The following ERI3 variants were observed in gnomAD, a reference collection of about 807,000 sequenced individuals.
ERI3 encodes the protein ERI1 exoribonuclease family member 3, also known as ERI1 exoribonuclease 3.
A neutral mutation model predicts 44.4 loss-of-function variants in ERI3; 18 were observed. The ratio of observed to expected loss-of-function variants is 0.41; its 90% CI spans 0.28 to 0.60. The LOEUF (loss-of-function observed/expected upper bound fraction) is 0.60, where lower values mean the gene tolerates loss of function less well. ERI3 is among the 20% of genes least tolerant of loss of function. The pLI is 0.36. For synonymous variants in ERI3, 183 were observed against 164.8 expected, an observed-to-expected ratio of 1.11 and a Z score of -0.84; for missense variants, 294 against 435.5, an observed-to-expected ratio of 0.68 and a Z score of 2.89.
At chr1:44,275,712 C>T (rs1269703222) in intron 7 of ERI3, among the ~76,000 whole-genome samples, 1 of 152,186 alleles carries the variant, frequency 6.6e-6, no homozygotes, top group Admixed American at 6.5e-5. Context: ...CAGCAATCTT[C>T]ATACCCTGAT....
chr1:44,256,406 G>C (rs1382443045), intron 7 of ERI3, among the ~76,000 whole-genome samples: 3 of 152,180 alleles, frequency 2.0e-5, no homozygotes, highest in Non-Finnish European at 2.9e-5. Context: ...GGGTCCAGCA[G>C]AGGCTTGACC....
chr1:44,353,865 C>T (rs1053573182), intron 1 of ERI3: 12 of 985,264 alleles, frequency 1.2e-5, no homozygotes, highest in African/African-American at 1.7e-5. Context: ...TCAATCACTT[C>T]CCGGCAGCTC....
chr1:44,306,409 C>T (rs325147), intron 6 of ERI3, among the ~76,000 whole-genome samples: 150,962 of 152,350 alleles, frequency 0.99, 74,805 homozygotes, highest in Middle Eastern at 1. Flanking sequence ...TCAGAAGGTG[C>T]GGATGCGGTA....
intron 3 of ERI3, among the ~76,000 whole-genome samples, chr1:44,328,847 G>A (rs562736437): frequency 1.3e-5 from 2 of 152,208 alleles, no homozygotes; most frequent in East Asian, 1.9e-4. Flanking sequence ...TTAAGCACCC[G>A]AGTCAAGCCC....
In ERI3 at chr1:44,355,027, G is replaced by A. The variant is rs758123558; in HGVS notation, c.-1C>T. 7.2e-7 allele frequency: 1 copy of A among 1,386,030 alleles called. No individual in the cohort carries two copies. The highest frequency in any genetic ancestry group is 2.0e-5 in the South Asian group (1 of 51,120). 85.9% of individuals were successfully genotyped at this position (1,386,030 alleles called of 1,614,324 possible). On this transcript the variant is annotated 5_prime_UTR_variant, in exon 1 of 9. Coordinates refer to ENST00000372257, the MANE Select transcript of ERI3 (RefSeq NM_024066.3). The stretch of plus-strand genomic sequence containing the variant: ...CAGCAGCGGGAGAGGCTGTCGCCAT[G>A]GCAACGCCCCCTCCTCGGGGCCAGC...
At chr1:44,323,646 T>C (rs1238056660) in intron 3 of ERI3, among the ~76,000 whole-genome samples, 5 of 152,238 alleles carry the variant, frequency 3.3e-5, no homozygotes, top group Admixed American at 3.3e-4. Context: ...AATGCAATCG[T>C]TTTATTCCAT....
chr1:44,295,201 G>A (rs1362980998), intron 6 of ERI3, among the ~76,000 whole-genome samples: 2 of 152,178 alleles, frequency 1.3e-5, no homozygotes, highest in Non-Finnish European at 2.9e-5. Context: ...AAAGGAGGAA[G>A]AATGGGAGAG....
intron 8 of ERI3, among the ~76,000 whole-genome samples, chr1:44,239,201 G>T (rs1157647163): frequency 6.6e-6 from 1 of 152,154 alleles, no homozygotes; most frequent in Non-Finnish European, 1.5e-5. Context: ...AGGGCCCTGT[G>T]GCAGGGGACA....
chr1:44,269,381 AG>A (rs1393766509), intron 7 of ERI3, among the ~76,000 whole-genome samples: 2 of 152,172 alleles, frequency 1.3e-5, no homozygotes, highest in Non-Finnish European at 2.9e-5. Flanking sequence ...CTGCCCTCCA[AG>A]GACAAGGGCC....
intron 3 of ERI3, among the ~76,000 whole-genome samples, chr1:44,326,879 G>A (rs1045979259): frequency 1.3e-5 from 2 of 152,272 alleles, no homozygotes; most frequent in Admixed American, 6.5e-5. Flanking sequence ...GGTGCAAAGT[G>A]AATTATAATT....
intron 6 of ERI3, among the ~76,000 whole-genome samples, chr1:44,301,735 T>C (rs1166324246): frequency 1.3e-5 from 2 of 152,188 alleles, no homozygotes; most frequent in Admixed American, 6.5e-5. Flanking sequence ...CCCACTCCAA[T>C]GGCTGAGGAG....
intron 8 of ERI3, among the ~76,000 whole-genome samples, chr1:44,239,508 C>G (rs1222879034): frequency 6.6e-6 from 1 of 152,200 alleles, no homozygotes; most frequent in Non-Finnish European, 1.5e-5. Context: ...CCCCTAGAGC[C>G]CAGAGTCCAG....
intron 6 of ERI3, among the ~76,000 whole-genome samples, chr1:44,295,725 C>A (rs1645596373): frequency 6.6e-6 from 1 of 152,208 alleles, no homozygotes; most frequent in African/African-American, 2.4e-5. Context: ...TCATCTAAAT[C>A]AACTTTCAGG....
chr1:44,298,311 C>G (rs1193682626), intron 6 of ERI3, among the ~76,000 whole-genome samples: 1 of 152,092 alleles, frequency 6.6e-6, no homozygotes, highest in African/African-American at 2.4e-5. Flanking sequence ...AGAGGGAGGA[C>G]AGTGTGGGTT....
chr1:44,271,384 A>G (rs906693236), intron 7 of ERI3, among the ~76,000 whole-genome samples: 5 of 152,192 alleles, frequency 3.3e-5, no homozygotes, highest in African/African-American at 1.2e-4. Context: ...GAATATACTC[A>G]TCTTTCAACA....
chr1:44,353,689 T>C, intron 1 of ERI3: 1 of 985,444 alleles, frequency 1.0e-6, no homozygotes, highest in South Asian at 4.7e-5. Context: ...TTTGGAAATT[T>C]CAAGTTGGAA....
intron 7 of ERI3, among the ~76,000 whole-genome samples, chr1:44,249,768 G>A (rs1644636217): frequency 6.6e-6 from 1 of 152,200 alleles, no homozygotes; most frequent in Non-Finnish European, 1.5e-5. Context: ...CATAGCCAGA[G>A]GAGCCGCTGA....
intron 7 of ERI3, among the ~76,000 whole-genome samples, chr1:44,279,469 T>C (rs1259934921): frequency 6.6e-6 from 1 of 152,076 alleles, no homozygotes; most frequent in African/African-American, 2.4e-5. Context: ...CAAGTGATCC[T>C]CCCACCTCAG....
intron 7 of ERI3, among the ~76,000 whole-genome samples, chr1:44,258,655 G>T (rs1344273716): frequency 6.6e-6 from 1 of 152,152 alleles, no homozygotes; most frequent in Non-Finnish European, 1.5e-5. Flanking sequence ...AAGGAAATCA[G>T]CAAGAAGGAC....
Sources: gnomAD v4.1 joint callset for allele counts (sites outside exome capture counted in the v4.1 genomes callset) on GRCh38, gnomAD v4.1.1 for gene constraint, MANE v1.5 for transcripts, NCBI Gene and HGNC (gene_info 2026-07-23, HGNC 2026-07-21) for gene names.